TMSB15B: variants seen among roughly 807,000 people sequenced by gnomAD.
The protein encoded by TMSB15B is thymosin beta-15B.
chrX:103,939,960 G>T (rs1202388932), intron 1 of TMSB15B, among the ~76,000 whole-genome samples: 1 of 111,692 alleles, frequency 9.0e-6, no homozygotes, highest in Non-Finnish European at 1.9e-5. Context: ...TCCAGACCCC[G>T]TTCATCTGGG....
At chrX:103,938,957 T>G (rs782597726) in intron 1 of TMSB15B, among the ~76,000 whole-genome samples, 1 of 112,368 alleles carries the variant, frequency 8.9e-6, no homozygotes, top group Non-Finnish European at 1.9e-5. Flanking sequence ...AAAATTATTT[T>G]CTTTAAGAAT....
At chrX:103,954,962 A>T (rs781897364) in intron 1 of TMSB15B, among the ~76,000 whole-genome samples, 1 of 111,321 alleles carries the variant, frequency 9.0e-6, no homozygotes, top group East Asian at 2.8e-4. Flanking sequence ...CCAAACATCA[A>T]GGAGCCAGAG....
Position 103,950,987 on chromosome X carries a change from AG to A in TMSB15B, c.-720-11033del, listed in dbSNP as rs1327742412. ...TGCTATAACAAAATACCACACACTGAGTGGCTTAAACAACAGACATTTATTG... is the reference window on the plus strand; with the variant it reads ...TGCTATAACAAAATACCACACACTGATGGCTTAAACAACAGACATTTATTG... On this transcript the variant is annotated intron_variant, in intron 1 of 3. Transcript: ENST00000419165. Among the ~76,000 whole-genome samples the A allele has an allele frequency of 8.1e-5, 9 of 111,587 alleles. No homozygotes were observed. The East Asian group carries it at 2.2e-3, about 28-fold the overall frequency.
intron 1 of TMSB15B, among the ~76,000 whole-genome samples, chrX:103,935,662 A>G (rs1356415682): frequency 9.1e-6 from 1 of 110,285 alleles, no homozygotes; most frequent in Non-Finnish European, 1.9e-5. Context: ...GTGTGGTGTT[A>G]TTTCTGAGGC....
At chrX:103,922,476 G>A (rs782383788) in intron 1 of TMSB15B, among the ~76,000 whole-genome samples, 58 of 107,779 alleles carry the variant, frequency 5.4e-4, no homozygotes, top group African/African-American at 1.8e-3. Context: ...CTGTCCTTGC[G>A]ACAGTTTGCT....
At position 103,938,771 on chromosome X, in the gene TMSB15B, T is replaced by G. The variant is rs186721736; in HGVS notation, c.-721+19479T>G. Among the ~76,000 whole-genome samples, 18 of 112,345 alleles carry G rather than the reference T, an allele frequency of 1.6e-4. No homozygotes were observed. In the East Asian group the frequency reaches 5.0e-3, roughly 31 times the overall value. ...TGTCGATGGTCTTTACATTTTGGTTTGTTTTTGCAGTGGCTGGTACCAGTT... is the reference window on the plus strand; with the variant it reads ...TGTCGATGGTCTTTACATTTTGGTTGGTTTTTGCAGTGGCTGGTACCAGTT... On this transcript the variant is annotated intron_variant, in intron 1 of 3. Transcript: ENST00000419165.
At chrX:103,945,457 T>C (rs2075023137) in intron 1 of TMSB15B, among the ~76,000 whole-genome samples, 1 of 111,651 alleles carries the variant, frequency 9.0e-6, no homozygotes, top group South Asian at 3.8e-4. Context: ...TACAACAACT[T>C]GCACTTGCAT....
chrX:103,954,729 G>A (rs1441652517), intron 1 of TMSB15B, among the ~76,000 whole-genome samples: 22 of 111,081 alleles, frequency 2.0e-4, no homozygotes, highest in African/African-American at 6.2e-4. Flanking sequence ...GTGGGGCACA[G>A]AGAAGGCACC....
chrX:103,944,148 G>A (rs2075019269), intron 1 of TMSB15B, among the ~76,000 whole-genome samples: 1 of 111,844 alleles, frequency 8.9e-6, no homozygotes, highest in African/African-American at 3.3e-5. Context: ...TCATCTTTGT[G>A]TTCTTATTCA....
At chrX:103,928,658 G>A in intron 1 of TMSB15B, 1 of 1,155,676 alleles carries the variant, frequency 8.7e-7, no homozygotes, top group East Asian at 3.0e-5. Flanking sequence ...AACAGCCTGG[G>A]GAGCACTCTA....
intron 1 of TMSB15B, among the ~76,000 whole-genome samples, chrX:103,955,107 C>T (rs1359739204): frequency 3.6e-5 from 4 of 111,231 alleles, no homozygotes; most frequent in Middle Eastern, 4.6e-3. Flanking sequence ...CACAATCAAA[C>T]CCCCAAGGTC....
chrX:103,949,070 G>A (rs782417331), intron 1 of TMSB15B, among the ~76,000 whole-genome samples: 1 of 110,991 alleles, frequency 9.0e-6, no homozygotes, highest in African/African-American at 3.3e-5. Context: ...TATTGGAAAA[G>A]AGCCCTCCTT....
chrX:103,920,532 A>G (rs1475940741), intron 1 of TMSB15B, among the ~76,000 whole-genome samples: 1 of 112,519 alleles, frequency 8.9e-6, no homozygotes, highest in Non-Finnish European at 1.9e-5. Flanking sequence ...ATGTAACTCC[A>G]GAGCACAGGT....
intron 1 of TMSB15B, among the ~76,000 whole-genome samples, chrX:103,939,655 T>C (rs1346865431): frequency 2.7e-5 from 3 of 111,273 alleles, no homozygotes; most frequent in African/African-American, 9.8e-5. Flanking sequence ...AGCCTACTTC[T>C]GTCAATTCGT....
At chrX:103,928,955 C>G (rs1556319449) in intron 1 of TMSB15B, 6 of 1,199,034 alleles carry the variant, frequency 5.0e-6, no homozygotes, top group Non-Finnish European at 6.7e-6. Context: ...TGGGGCCTCA[C>G]TACGGCAATC....
chrX:103,922,085 CT>C (rs782307917), intron 1 of TMSB15B, among the ~76,000 whole-genome samples: 1,158 of 102,569 alleles, frequency 0.011, 7 homozygotes, highest in Non-Finnish European at 0.017. Flanking sequence ...CTCTCTCTCT[CT>C]TTTTTTTTTT....
At chrX:103,921,804 A>C (rs1239720718) in intron 1 of TMSB15B, among the ~76,000 whole-genome samples, 1 of 112,184 alleles carries the variant, frequency 8.9e-6, no homozygotes, top group Non-Finnish European at 1.9e-5. Flanking sequence ...TCCCAGCAAC[A>C]CTGTTGAGAC....
At chrX:103,952,842 C>T (rs1348153154) in intron 1 of TMSB15B, among the ~76,000 whole-genome samples, 2 of 111,350 alleles carry the variant, frequency 1.8e-5, no homozygotes, top group Non-Finnish European at 3.8e-5. Context: ...AGACTTGGAT[C>T]ACTGGTTCAA....
intron 1 of TMSB15B, among the ~76,000 whole-genome samples, chrX:103,921,425 G>A (rs782807147): frequency 8.9e-6 from 1 of 112,193 alleles, no homozygotes; most frequent in Non-Finnish European, 1.9e-5. Flanking sequence ...GCTGGACTTG[G>A]TAGGGATGGA....
Sources: gnomAD v4.1 joint callset for allele counts (sites outside exome capture counted in the v4.1 genomes callset) on GRCh38, gnomAD v4.1.1 for gene constraint, MANE v1.5 for transcripts, NCBI Gene and HGNC (gene_info 2026-07-23, HGNC 2026-07-21) for gene names.